GPR158: variants seen among roughly 807,000 people sequenced by gnomAD.
GPR158 encodes the protein G protein-coupled receptor 158, also known as metabotropic glycine receptor.
GPR158 carries 30 observed loss-of-function variants against 78.2 expected under a neutral mutation model. That is an observed-to-expected ratio of 0.38 (90% CI 0.29 to 0.52). The LOEUF is 0.52. Among genes scored for constraint, GPR158 ranks in the 20% least tolerant of loss-of-function variants. The probability of loss-of-function intolerance (pLI) is 0.83; values close to 1 mark genes in which losing one functional copy is unlikely to be tolerated. For synonymous variants in GPR158, 581 were observed against 591.1 expected, an observed-to-expected ratio of 0.98 and a Z score of 0.25; for missense variants, 1,463 against 1,523.5, an observed-to-expected ratio of 0.96 and a Z score of 0.66.
At chr10:25,454,555 G>A (rs1294410493) in intron 4 of GPR158, among the ~76,000 whole-genome samples, 1 of 152,144 alleles carries the variant, frequency 6.6e-6, no homozygotes, top group East Asian at 1.9e-4. Context: ...GTCTGAAATG[G>A]GAGGGCTAAT....
chr10:25,381,371 C>A (rs1834152744), intron 2 of GPR158, among the ~76,000 whole-genome samples: 1 of 152,082 alleles, frequency 6.6e-6, no homozygotes. Context: ...ATAGATAAAT[C>A]CTTCAAGATG....
intron 2 of GPR158, among the ~76,000 whole-genome samples, chr10:25,253,433 G>C (rs1564403106): frequency 6.6e-6 from 1 of 152,254 alleles, no homozygotes; most frequent in East Asian, 1.9e-4. Context: ...GTGCTTAAAA[G>C]AGCTATGAAA....
intron 5 of GPR158, among the ~76,000 whole-genome samples, chr10:25,539,428 G>A (rs1836544283): frequency 6.6e-6 from 1 of 152,032 alleles, no homozygotes; most frequent in Admixed American, 6.6e-5. Flanking sequence ...TTCTTTATTG[G>A]ATAAGATCTA....
At position 25,175,975 on chromosome 10, in the gene GPR158, A is replaced by G; in HGVS notation, c.555A>G (p.Ala185=). 1 of 1,613,244 alleles carries G rather than the reference A, an allele frequency of 6.2e-7. No individual in the cohort carries two copies. Among genetic ancestry groups the G allele is most frequent in the Non-Finnish European group, 8.5e-7 (1 of 1,179,922 alleles). ...AITFSTDSLS[A]PAPQVFLQAT... ...CCTTCAGCACCGATTCGCTGTCCGC[A>G]CCGGCCCCACAGGTCTTCCTCCAGG... Residue 185 remains alanine (A), a synonymous_variant, in exon 1 of 11, where the codon GCA becomes GCG. Transcript: ENST00000376351. This position sits in a 1 kb window ranked among gnomAD's most constrained non-coding sequence, Gnocchi z 6.4.
At chr10:25,315,122 G>A (rs1241002977) in intron 2 of GPR158, among the ~76,000 whole-genome samples, 1 of 151,822 alleles carries the variant, frequency 6.6e-6, no homozygotes, top group African/African-American at 2.4e-5. Flanking sequence ...AGGATGAAAA[G>A]TTTGATATAT....
chr10:25,585,262 A>G (rs1169192743), intron 7 of GPR158, among the ~76,000 whole-genome samples: 4 of 152,220 alleles, frequency 2.6e-5, no homozygotes. Context: ...TGACTTAAAC[A>G]TGAAACTGAC....
At chr10:25,326,655 A>G (rs1192108340) in intron 2 of GPR158, among the ~76,000 whole-genome samples, 2 of 152,210 alleles carry the variant, frequency 1.3e-5, no homozygotes, top group African/African-American at 2.4e-5. Context: ...GTTAGACAGG[A>G]TAAATAAATT....
In GPR158 at chr10:25,206,957, G is replaced by A. The variant is rs532539128; in HGVS notation, c.903-14095G>A. Reference sequence around the variant, plus strand: ...GGACTTAATTATTCCAGAGTTTCAAGTCTGTCTGTGTCAGTTCCCACTTTT... The same window carrying A: ...GGACTTAATTATTCCAGAGTTTCAAATCTGTCTGTGTCAGTTCCCACTTTT... On this transcript the variant is annotated intron_variant, in intron 1 of 10. Transcript: ENST00000376351. 3.4e-4 allele frequency among the ~76,000 whole-genome samples: 52 copies of A among 151,312 alleles called. 1 individual carries two copies. The South Asian group carries it at 0.011, about 32-fold the overall frequency.
At chr10:25,434,412 T>C (rs1451103206) in intron 4 of GPR158, among the ~76,000 whole-genome samples, 1 of 152,224 alleles carries the variant, frequency 6.6e-6, no homozygotes, top group African/African-American at 2.4e-5. Context: ...AAAAGAGCTT[T>C]ATAAATATAC....
intron 4 of GPR158, among the ~76,000 whole-genome samples, chr10:25,413,222 T>C (rs1459451049): frequency 6.6e-6 from 1 of 152,112 alleles, no homozygotes; most frequent in Non-Finnish European, 1.5e-5. Context: ...GTCCCAACTA[T>C]TTAGGAGGCT....
chr10:25,286,354 T>C (rs2130759529), intron 2 of GPR158, among the ~76,000 whole-genome samples: 1 of 152,274 alleles, frequency 6.6e-6, no homozygotes, highest in East Asian at 1.9e-4. Flanking sequence ...TTTGGCTCTG[T>C]CAAGTCTACT....
rs757903827 is a variant in GPR158 at position 25,601,150 on chromosome 10, CAG to C, written c.*1878_*1879del. On this transcript the variant is annotated 3_prime_UTR_variant, in exon 11 of 11. Coordinates refer to ENST00000376351, the MANE Select transcript of GPR158 (RefSeq NM_020752.3). Reference sequence around the variant, plus strand: ...GAGTATTTTCAGTGGAAGGTAAAAACAGAATTCTCCATATTCATCATCAAATT... The same window carrying C: ...GAGTATTTTCAGTGGAAGGTAAAAACAATTCTCCATATTCATCATCAAATT... 2.6e-5 allele frequency: 4 copies of C among 152,568 alleles called. No homozygotes were observed. Among genetic ancestry groups the C allele is most frequent in the Non-Finnish European group, 5.9e-5 (4 of 68,042 alleles). The allele number at this position is 152,568 out of a possible 1,614,324, so 9.5% of individuals were successfully genotyped here.
chr10:25,397,647 G>T (rs1721294656), intron 3 of GPR158, among the ~76,000 whole-genome samples: 1 of 152,098 alleles, frequency 6.6e-6, no homozygotes, highest in African/African-American at 2.4e-5. Flanking sequence ...GTAGGTTCTG[G>T]AGGTGAGAAA....
At chr10:25,239,786 T>C (rs1853578862) in intron 2 of GPR158, among the ~76,000 whole-genome samples, 1 of 152,192 alleles carries the variant, frequency 6.6e-6, no homozygotes, top group African/African-American at 2.4e-5. Flanking sequence ...ATTTGGTTTG[T>C]CTGGTTTTAG....
intron 5 of GPR158, among the ~76,000 whole-genome samples, chr10:25,549,321 A>G (rs1836700861): frequency 6.6e-6 from 1 of 152,160 alleles, no homozygotes. Context: ...TTAGTAAACA[A>G]TAAAACTTGC....
At chr10:25,550,493 G>T (rs1413285360) in intron 5 of GPR158, among the ~76,000 whole-genome samples, 1 of 152,114 alleles carries the variant, frequency 6.6e-6, no homozygotes, top group Non-Finnish European at 1.5e-5. Context: ...GCTCTGGGGG[G>T]AGAATGGCAG....
intron 5 of GPR158, among the ~76,000 whole-genome samples, chr10:25,487,272 C>A (rs1038302580): frequency 2.0e-5 from 3 of 152,066 alleles, no homozygotes; most frequent in Non-Finnish European, 4.4e-5. Context: ...GACAAAAAAA[C>A]CCTCCTGTTT....
intron 5 of GPR158, among the ~76,000 whole-genome samples, chr10:25,491,768 G>A (rs1048426970): frequency 1.3e-5 from 2 of 151,980 alleles, no homozygotes; most frequent in Non-Finnish European, 2.9e-5. Context: ...TTACTTAAAT[G>A]TATATCTGTT....
intron 5 of GPR158, among the ~76,000 whole-genome samples, chr10:25,511,628 A>T (rs1009428992): frequency 6.6e-6 from 1 of 152,106 alleles, no homozygotes; most frequent in African/African-American, 2.4e-5. Context: ...AATGTCTAGA[A>T]GGGCTTTTCC....
Sources: allele counts gnomAD v4.1 joint callset (sites outside exome capture counted in the v4.1 genomes callset), GRCh38; gene constraint gnomAD v4.1.1; non-coding constraint Gnocchi (gnomAD v3.1); transcripts MANE v1.5; gene names NCBI Gene and HGNC (gene_info 2026-07-23, HGNC 2026-07-21).